RALGAPA1: variants seen among roughly 807,000 people sequenced by gnomAD.
RALGAPA1 encodes the protein ral GTPase-activating protein subunit alpha-1.
In RALGAPA1, 52 loss-of-function variants were observed where a neutral mutation model predicts 269.6. The observed-to-expected ratio is 0.19, with a 90% CI of 0.15 to 0.24. RALGAPA1 has a LOEUF of 0.24. Among genes scored for constraint, RALGAPA1 ranks in the 10% least tolerant of loss-of-function variants. The pLI is 1.00. For synonymous variants in RALGAPA1, 817 were observed against 1,008.3 expected, an observed-to-expected ratio of 0.81 and a Z score of 3.60; for missense variants, 1,917 against 3,013.9, an observed-to-expected ratio of 0.64 and a Z score of 8.52.
chr14:35,665,218 TATG>T (rs2063832594), intron 26 of RALGAPA1, among the ~76,000 whole-genome samples: 1 of 152,202 alleles, frequency 6.6e-6, no homozygotes, highest in Non-Finnish European at 1.5e-5. Flanking sequence ...AGATGGCTTT[TATG>T]ATATTATGCA....
At chr14:35,753,997 AT>A (rs1384340877) in intron 7 of RALGAPA1, among the ~76,000 whole-genome samples, 1 of 152,140 alleles carries the variant, frequency 6.6e-6, no homozygotes, top group Non-Finnish European at 1.5e-5. Context: ...ATACTTGTTG[AT>A]TTTCCAGTGT....
At chr14:35,608,139 A>G (rs2059701582) in intron 35 of RALGAPA1, among the ~76,000 whole-genome samples, 1 of 152,234 alleles carries the variant, frequency 6.6e-6, no homozygotes, top group Non-Finnish European at 1.5e-5. Flanking sequence ...AGTAATCAGG[A>G]GTGAACCTTC....
chr14:35,732,716 A>G (rs192594563), intron 12 of RALGAPA1, among the ~76,000 whole-genome samples: 1 of 152,306 alleles, frequency 6.6e-6, no homozygotes, highest in African/African-American at 2.4e-5. Context: ...TCCTAAACAT[A>G]TATGCACCTA....
At position 35,768,773 on chromosome 14, in the gene RALGAPA1, C is replaced by T. The variant is rs542413349; in HGVS notation, c.325+2169G>A. The stretch of plus-strand genomic sequence containing the variant: ...TCTTTAATCCCAGCACTTTGGGAGG[C>T]CGAGGTGGGCGGATCACCCGAGGTC... On this transcript the variant is annotated intron_variant, in intron 4 of 41. Transcript: ENST00000680220. Among the ~76,000 whole-genome samples the T allele has an allele frequency of 2.6e-5, 4 of 151,750 alleles. No individual in the cohort carries two copies. In the South Asian group the frequency reaches 8.3e-4, roughly 32 times the overall value.
intron 1 of RALGAPA1, among the ~76,000 whole-genome samples, chr14:35,778,328 C>T (rs1248420981): frequency 6.6e-6 from 1 of 152,146 alleles, no homozygotes; most frequent in African/African-American, 2.4e-5. Context: ...AGATTACAGG[C>T]GATAGCCACA....
At chr14:35,620,627 C>CA (rs1179221096) in intron 35 of RALGAPA1, among the ~76,000 whole-genome samples, 1 of 152,112 alleles carries the variant, frequency 6.6e-6, no homozygotes, top group Non-Finnish European at 1.5e-5. Flanking sequence ...CGTCTCAGCC[C>CA]AAAATCTCCT....
chr14:35,808,876 CCCAGCCGGGT>C lies in RALGAPA1; in HGVS notation c.-51_-42del, dbSNP rs2142005086. 6.3e-7 allele frequency: 1 copy of C among 1,588,530 alleles called. No individual in the cohort carries two copies. The highest frequency in any genetic ancestry group is 2.3e-5 in the East Asian group (1 of 44,042). On this transcript the variant is annotated 5_prime_UTR_variant, in exon 1 of 42. Coordinates refer to ENST00000680220, the MANE Select transcript of RALGAPA1 (RefSeq NM_001346249.2). ...GCCACTGCCACTGCCACAGCCGGCT[CCCAGCCGGGT>C]CCCGGCGGCAGAAAGTGGAGGGAGT... is the stretch of plus-strand genomic sequence containing the variant.
intron 28 of RALGAPA1, among the ~76,000 whole-genome samples, chr14:35,656,962 G>A (rs1182799690): frequency 6.6e-6 from 1 of 152,086 alleles, no homozygotes; most frequent in Non-Finnish European, 1.5e-5. Flanking sequence ...AAAGCTCTCC[G>A]TGGATGCAGC....
At position 35,766,336 on chromosome 14, in the gene RALGAPA1, T is replaced by C. The variant is rs535421121; in HGVS notation, c.326-3583A>G. 332 of 1,196,910 alleles carry C rather than the reference T, an allele frequency of 2.8e-4. No individual in the cohort carries two copies. The African/African-American group carries it at 4.5e-3, about 16-fold the overall frequency. 74.1% of individuals were successfully genotyped at this position (1,196,910 alleles called of 1,614,324 possible). On this transcript the variant is annotated intron_variant, in intron 4 of 41. Coordinates refer to ENST00000680220, the MANE Select transcript of RALGAPA1 (RefSeq NM_001346249.2). ...CAGGATCCTGTTAAACCATTCATGA[T>C]TCCCAGTTTGACAAATGTGAGCAAA...
intron 41 of RALGAPA1, among the ~76,000 whole-genome samples, chr14:35,544,547 A>G (rs749802146): frequency 2.6e-5 from 4 of 152,202 alleles, no homozygotes; most frequent in Non-Finnish European, 5.9e-5. Context: ...CAAAAATTTC[A>G]CATCTCAGTG....
chr14:35,806,610 G>A (rs774457515), intron 1 of RALGAPA1, among the ~76,000 whole-genome samples: 6 of 152,120 alleles, frequency 3.9e-5, no homozygotes, highest in Non-Finnish European at 7.4e-5. Flanking sequence ...TAGATGCACT[G>A]AATCCTCCCA....
intron 13 of RALGAPA1, among the ~76,000 whole-genome samples, chr14:35,727,310 CATATATATATATATATATATATAT>C (rs34288628): frequency 2.9e-5 from 3 of 104,488 alleles, no homozygotes; most frequent in Admixed American, 9.5e-5. Flanking sequence ...AAAATTATGG[CATATATATATATATATATATATAT>C]ATATATATAT....
intron 37 of RALGAPA1, among the ~76,000 whole-genome samples, chr14:35,588,961 G>A (rs1297201103): frequency 2.6e-5 from 4 of 152,028 alleles, no homozygotes; most frequent in East Asian, 1.9e-4. Flanking sequence ...ATAAAAACAC[G>A]GATTAACCTG....
At chr14:35,619,535 C>G (rs922012626) in intron 35 of RALGAPA1, among the ~76,000 whole-genome samples, 8 of 152,110 alleles carry the variant, frequency 5.3e-5, no homozygotes, top group East Asian at 1.9e-4. Context: ...CACAAAAAAC[C>G]CTTCAAATAA....
chr14:35,776,160 T>C (rs1367605407), intron 1 of RALGAPA1, among the ~76,000 whole-genome samples: 3 of 152,092 alleles, frequency 2.0e-5, no homozygotes, highest in South Asian at 2.1e-4. Flanking sequence ...GGTGGGCAGA[T>C]ACCTGAGGTC....
chr14:35,587,651 T>C (rs555489258), intron 37 of RALGAPA1, among the ~76,000 whole-genome samples: 6 of 148,642 alleles, frequency 4.0e-5, no homozygotes, highest in African/African-American at 1.0e-4. Context: ...TTCTCACTCA[T>C]AGGTGAGAAT....
intron 1 of RALGAPA1, among the ~76,000 whole-genome samples, chr14:35,786,737 G>A (rs1403583664): frequency 6.6e-6 from 1 of 152,040 alleles, no homozygotes; most frequent in Non-Finnish European, 1.5e-5. Flanking sequence ...AAATTTTAAG[G>A]TCGAGGCCTA....
chr14:35,678,568 C>T (rs888979749), intron 21 of RALGAPA1, among the ~76,000 whole-genome samples: 1 of 152,152 alleles, frequency 6.6e-6, no homozygotes, highest in African/African-American at 2.4e-5. Flanking sequence ...ATCCATTCTC[C>T]ATAAGTCAGC....
intron 39 of RALGAPA1, among the ~76,000 whole-genome samples, chr14:35,562,757 C>G (rs2056372861): frequency 6.6e-6 from 1 of 151,758 alleles, no homozygotes; most frequent in Non-Finnish European, 1.5e-5. Flanking sequence ...CGTGGTGGCT[C>G]ACACCTGTAA....
Sources: gnomAD v4.1 joint callset for allele counts (sites outside exome capture counted in the v4.1 genomes callset) on GRCh38, gnomAD v4.1.1 for gene constraint, MANE v1.5 for transcripts, NCBI Gene and HGNC (gene_info 2026-07-23, HGNC 2026-07-21) for gene names.